MICU3: variants seen among roughly 807,000 people sequenced by gnomAD.
MICU3 encodes mitochondrial calcium uptake 3, also known as calcium uptake protein 3, mitochondrial.
MICU3 carries 62 observed loss-of-function variants against 66.5 expected under a neutral mutation model. The ratio of observed to expected loss-of-function variants is 0.93; its 90% confidence interval spans 0.76 to 1.15. MICU3 has a LOEUF of 1.15. MICU3 is among the 50% of genes most tolerant of loss of function. The pLI, the probability that MICU3 is intolerant of heterozygous loss-of-function variation, is 0.00. For missense variants in MICU3, 779 were observed against 664.4 expected, an observed-to-expected ratio of 1.17 and a Z score of -1.90; for synonymous variants, 308 against 240.7, an observed-to-expected ratio of 1.28 and a Z score of -2.59.
intron 1 of MICU3, among the ~76,000 whole-genome samples, chr8:17,032,784 A>G (rs1165256204): frequency 1.3e-5 from 2 of 152,202 alleles, no homozygotes; most frequent in African/African-American, 4.8e-5. Context: ...GCAACAGTGA[A>G]TTGAGCAAAT....
At chr8:17,133,022 G>A in the MICU3 span, 620 of 152,232 alleles carry the variant, frequency 4.1e-3, 5 homozygotes, top group Non-Finnish European at 7.2e-3. Flanking sequence ...GCAAGCCCTC[G>A]CCAGGCACTG....
chr8:17,108,224 T>G (rs987173359), intron 11 of MICU3, among the ~76,000 whole-genome samples: 1 of 152,122 alleles, frequency 6.6e-6, no homozygotes, highest in East Asian at 1.9e-4. Flanking sequence ...TATTTTAGAT[T>G]CCTAATAGTT....
intron 4 of MICU3, among the ~76,000 whole-genome samples, chr8:17,078,414 T>G (rs1478606653): frequency 1.3e-5 from 2 of 152,074 alleles, no homozygotes; most frequent in African/African-American, 4.8e-5. Context: ...CTTAATTCAT[T>G]AATTTAAACA....
chr8:17,052,137 A>G (rs1816200325), intron 1 of MICU3, among the ~76,000 whole-genome samples: 1 of 152,326 alleles, frequency 6.6e-6, no homozygotes, highest in East Asian at 1.9e-4. Flanking sequence ...TGTATGTGAA[A>G]GTACTTTATA....
Position 17,064,252 on chromosome 8 carries a change from G to C in MICU3, c.535+15G>C. 1.3e-6 allele frequency: 2 copies of C among 1,588,156 alleles called. No individual in the cohort carries two copies. The highest frequency in any genetic ancestry group is 1.7e-6 in the Non-Finnish European group (2 of 1,167,290). ...TGAGCCCAAAGGTAAGTACACTTTT[G>C]AAATTATCTTAATAATTGTATAATT... On this transcript the variant is annotated intron_variant, in intron 2 of 14. Transcript: ENST00000318063.
chr8:17,065,168 G>A (rs1042136718), intron 2 of MICU3, among the ~76,000 whole-genome samples: 1 of 151,950 alleles, frequency 6.6e-6, no homozygotes, highest in East Asian at 1.9e-4. Flanking sequence ...TCATTTGTTC[G>A]ACCCATATCT....
At chr8:17,105,626 C>G (rs373847239) in intron 11 of MICU3, 42 bp downstream of exon 11, 1 of 1,203,748 alleles carries the variant, frequency 8.3e-7, no homozygotes, top group South Asian at 1.7e-5. Context: ...TACTGTTTTG[C>G]AATACGTGCC....
At position 17,119,415 on chromosome 8, in the gene MICU3, G is replaced by A. The variant is rs115462034; in HGVS notation, c.*640G>A. 4.8e-3 allele frequency among the ~76,000 whole-genome samples: 734 copies of A among 151,730 alleles called. 3 individuals carry two copies. The highest frequency in any genetic ancestry group is 0.017 in the African/African-American group (710 of 41,396). On this transcript the variant is annotated intron_variant, in intron 14 of 14. Coordinates refer to ENST00000318063, the MANE Select transcript of MICU3 (RefSeq NM_181723.3). ...AAGTCAACTGTAGCGATAAAATTTT[G>A]GTCAGTTGTGGGTTTTTATTAGTTA... is the stretch of plus-strand genomic sequence containing the variant.
At chr8:17,118,382 AATCT>A (rs1484357178) in intron 13 of MICU3, among the ~76,000 whole-genome samples, 1 of 152,130 alleles carries the variant, frequency 6.6e-6, no homozygotes, top group African/African-American at 2.4e-5. Flanking sequence ...CTTATTAACA[AATCT>A]ATCAGCTCAC....
rs181990772 is a variant in MICU3, at chr8:17,116,203, A to G, written c.1367-240A>G. 3.9e-3 allele frequency among the ~76,000 whole-genome samples: 598 copies of G among 152,344 alleles called. 5 individuals carry two copies. Among genetic ancestry groups the G allele is most frequent in the African/African-American group, 0.013 (558 of 41,578 alleles). The stretch of plus-strand genomic sequence containing the variant: ...TATCTGTCACTGATAGTAGGTGCTC[A>G]TTAAACATTCATCGAATGTGAATGC... On this transcript the variant is annotated intron_variant, in intron 12 of 14. Coordinates refer to ENST00000318063, the MANE Select transcript of MICU3 (RefSeq NM_181723.3).
At chr8:17,115,579 C>T (rs1221650100) in intron 12 of MICU3, among the ~76,000 whole-genome samples, 1 of 152,164 alleles carries the variant, frequency 6.6e-6, no homozygotes, top group Non-Finnish European at 1.5e-5. Flanking sequence ...TATCTTTATT[C>T]AGGTTATTAC....
chr8:17,089,934 A>G (rs1295698193), intron 7 of MICU3, among the ~76,000 whole-genome samples: 1 of 152,138 alleles, frequency 6.6e-6, no homozygotes, highest in African/African-American at 2.4e-5. Context: ...TGCCAAAATA[A>G]AACTGTGATT....
At chr8:17,073,418 C>T (rs941620543) in intron 3 of MICU3, among the ~76,000 whole-genome samples, 10 of 151,832 alleles carry the variant, frequency 6.6e-5, no homozygotes, top group Non-Finnish European at 1.2e-4. Flanking sequence ...TTATGAGAAT[C>T]TAATGCCTGA....
chr8:17,072,209 A>G (rs146045929), intron 3 of MICU3, among the ~76,000 whole-genome samples: 224 of 152,254 alleles, frequency 1.5e-3, no homozygotes, highest in African/African-American at 5.1e-3. Flanking sequence ...ATTTTTAAAA[A>G]CTAGATCAAG....
In MICU3 at chr8:17,092,832, A is replaced by C. The variant is rs1336436625; in HGVS notation, c.888+2248A>C. ...GTGAATTAACTAGCAATTATCTGCT[A>C]GTTTCCAGAGTTGTAAATTAACTCA... On this transcript the variant is annotated intron_variant, in intron 8 of 14. Coordinates refer to ENST00000318063, the MANE Select transcript of MICU3 (RefSeq NM_181723.3). Among the ~76,000 whole-genome samples, 4 of 152,168 alleles carry C rather than the reference A, an allele frequency of 2.6e-5. No individual in the cohort carries two copies. In the East Asian group the frequency reaches 7.8e-4, roughly 30 times the overall value.
chr8:17,091,207 G>A (rs147724111), intron 8 of MICU3, among the ~76,000 whole-genome samples: 2 of 152,152 alleles, frequency 1.3e-5, no homozygotes, highest in Non-Finnish European at 2.9e-5. Context: ...TGAACTTCCA[G>A]TTGTACCCTT....
chr8:17,129,600 T>A, the MICU3 span, among the ~76,000 whole-genome samples: 1 of 152,120 alleles, frequency 6.6e-6, no homozygotes, highest in South Asian at 2.1e-4. Context: ...TCCAAACTGA[T>A]GCACAAAAGA....
the MICU3 span, among the ~76,000 whole-genome samples, chr8:17,135,284 G>A: frequency 4.6e-5 from 7 of 151,910 alleles, no homozygotes; most frequent in Non-Finnish European, 7.4e-5. Flanking sequence ...GAGTAGTCCC[G>A]CTACTCGGGA....
chr8:17,107,023 CTTTCAT>C (rs1801801860), intron 11 of MICU3, among the ~76,000 whole-genome samples: 1 of 152,082 alleles, frequency 6.6e-6, no homozygotes, highest in African/African-American at 2.4e-5. Flanking sequence ...TTCTAAATTG[CTTTCAT>C]TTTCATTTGT....
Sources: gnomAD v4.1 joint callset for allele counts (sites outside exome capture counted in the v4.1 genomes callset) on GRCh38, gnomAD v4.1.1 for gene constraint, MANE v1.5 for transcripts, NCBI Gene and HGNC (gene_info 2026-07-23, HGNC 2026-07-21) for gene names.